DIP2C: variants seen among roughly 807,000 people sequenced by gnomAD.
The protein encoded by DIP2C is disco-interacting protein 2 homolog C.
DIP2C carries 33 observed loss-of-function variants against 192.4 expected under a neutral mutation model. The ratio of observed to expected loss-of-function variants is 0.17; its 90% CI spans 0.13 to 0.23. DIP2C has a LOEUF of 0.23. Ranked by LOEUF, DIP2C falls within the 10% of genes least tolerant of loss-of-function variation. The pLI is 1.00. For missense variants in DIP2C, 1,537 were observed against 2,110.1 expected (o/e 0.73, Z 5.32); for synonymous variants, 979 against 864.1 (o/e 1.13, Z -2.33).
chr10:513,026 C>T (rs879900774), intron 1 of DIP2C, among the ~76,000 whole-genome samples: 21 of 151,828 alleles, frequency 1.4e-4, no homozygotes, highest in Non-Finnish European at 3.1e-4. Context: ...GCAGTGGGGC[C>T]CTAAAGTATT....
intron 3 of DIP2C, among the ~76,000 whole-genome samples, chr10:444,041 G>C (rs1292088426): frequency 6.6e-6 from 1 of 152,182 alleles, no homozygotes; most frequent in Non-Finnish European, 1.5e-5. Flanking sequence ...TGGCCCTCGT[G>C]AGACAGCCAC....
rs181799988 is a variant in DIP2C at position 286,234 on chromosome 10, C to G, written c.4119+39G>C. ...GTCAAGGCAAGCCAAGGATACATAA[C>G]AGAAAAGTAACCTGGATCTCGGAGG... On this transcript the variant is annotated intron_variant, in intron 34 of 36. Transcript: ENST00000280886. The G allele has an allele frequency of 2.1e-5, 33 of 1,606,034 alleles. No individual in the cohort carries two copies. In the Admixed American group the frequency reaches 4.0e-4, roughly 19 times the overall value.
At chr10:414,801 T>C (rs1345522444) in intron 7 of DIP2C, among the ~76,000 whole-genome samples, 1 of 141,170 alleles carries the variant, frequency 7.1e-6, no homozygotes, top group African/African-American at 2.6e-5. Context: ...AATGTATATA[T>C]ATTTTGTAGA....
At chr10:392,838 GCACA>G (rs767783265) in intron 10 of DIP2C, among the ~76,000 whole-genome samples, 1 of 151,332 alleles carries the variant, frequency 6.6e-6, no homozygotes, top group African/African-American at 2.4e-5. Flanking sequence ...ACACGCCCAC[GCACA>G]CACACGTCCC....
chr10:390,996 G>A, intron 10 of DIP2C, 133 bp from the exon 11 acceptor site: 1 of 1,305,808 alleles, frequency 7.7e-7, no homozygotes, highest in South Asian at 1.4e-5. Flanking sequence ...CCTGCTGCTT[G>A]GTATCTGTGG....
At chr10:362,429 A>G (rs1959650843) in intron 22 of DIP2C, 61 bp downstream of exon 22, 1 of 1,564,068 alleles carries the variant, frequency 6.4e-7, no homozygotes. Flanking sequence ...CGCACCTCCC[A>G]GTGCCGTGCA....
chr10:641,554 G>A lies in DIP2C; in HGVS notation c.85+47940C>T, dbSNP rs149707009. The A allele has an allele frequency of 2.3e-3, 348 of 153,998 alleles. 2 individuals are homozygous for A. The highest frequency in any genetic ancestry group is 7.7e-3 in the African/African-American group (320 of 41,616). 9.5% of individuals were successfully genotyped at this position (153,998 alleles called of 1,614,324 possible). ...TCAGTACCCAGGGAGAAAGGAACCC[G>A]GGTGTCAGCTTGATTTTCTGCCAGT... On this transcript the variant is annotated intron_variant, in intron 1 of 36. Coordinates refer to ENST00000280886, the MANE Select transcript of DIP2C (RefSeq NM_014974.3).
chr10:565,655 T>C (rs948173914), intron 1 of DIP2C, among the ~76,000 whole-genome samples: 5 of 152,252 alleles, frequency 3.3e-5, no homozygotes, highest in African/African-American at 9.6e-5. Context: ...GTTTGCTACA[T>C]GTAAGCTTCA....
chr10:660,782 A>G, intron 1 of DIP2C, among the ~76,000 whole-genome samples: 1 of 152,202 alleles, frequency 6.6e-6, no homozygotes, highest in East Asian at 1.9e-4. Flanking sequence ...TTCCACAAAT[A>G]CTAAGAATAG....
At chr10:469,848 C>T (rs996726186) in intron 3 of DIP2C, among the ~76,000 whole-genome samples, 4 of 152,226 alleles carry the variant, frequency 2.6e-5, no homozygotes, top group African/African-American at 9.6e-5. Flanking sequence ...TACCTAACTT[C>T]TTGCCGTTCC....
At chr10:453,231 T>C (rs745792648) in intron 3 of DIP2C, among the ~76,000 whole-genome samples, 24 of 152,128 alleles carry the variant, frequency 1.6e-4, no homozygotes, top group Non-Finnish European at 3.1e-4. Context: ...AAAGCCTTAA[T>C]TACAAATGCC....
intron 1 of DIP2C, among the ~76,000 whole-genome samples, chr10:564,219 A>T (rs926657847): frequency 6.7e-6 from 1 of 148,808 alleles, no homozygotes; most frequent in Non-Finnish European, 1.5e-5. Flanking sequence ...CGTTCCCCCC[A>T]CCCCCGCACG....
chr10:432,483 ATATT>A (rs933270041), intron 4 of DIP2C, among the ~76,000 whole-genome samples: 15 of 152,258 alleles, frequency 9.9e-5, no homozygotes, highest in South Asian at 2.1e-4. Flanking sequence ...GTTTTTCATA[ATATT>A]TATTATCCTT....
chr10:496,539 C>T (rs1844850605), intron 1 of DIP2C, among the ~76,000 whole-genome samples: 1 of 144,980 alleles, frequency 6.9e-6, no homozygotes, highest in African/African-American at 2.6e-5. Flanking sequence ...CCAAATACCC[C>T]AAACAACGTG....
At chr10:491,239 G>C (rs1372337406) in intron 1 of DIP2C, among the ~76,000 whole-genome samples, 1 of 152,210 alleles carries the variant, frequency 6.6e-6, no homozygotes, top group Non-Finnish European at 1.5e-5. Context: ...CTTCCACAGC[G>C]TGGCTCAGCT....
chr10:514,622 C>T (rs950612007), intron 1 of DIP2C, among the ~76,000 whole-genome samples: 13 of 152,294 alleles, frequency 8.5e-5, no homozygotes, highest in East Asian at 1.9e-4. Flanking sequence ...ATGCTCCCTT[C>T]GCCACCTCCT....
At chr10:385,655 C>T (rs892049136) in intron 14 of DIP2C, among the ~76,000 whole-genome samples, 9 of 152,302 alleles carry the variant, frequency 5.9e-5, no homozygotes, top group East Asian at 3.9e-4. Context: ...AGTACCTGCA[C>T]GCTGCTGCAC....
chr10:329,526 G>A lies in DIP2C; in HGVS notation c.3660C>T (p.Ala1220=), dbSNP rs367686379. Residue 1220 remains alanine (A), a synonymous_variant, in exon 30 of 37, where the codon GCC becomes GCT. Coordinates refer to ENST00000280886, the MANE Select transcript of DIP2C (RefSeq NM_014974.3). The part of the protein sequence containing the change: ...LETNPALWLL[A]VSQYKVRDTF... ...TGTCTCGGACTTTGTACTGACTCAC[G>A]GCAAGAAGCCACAAGGCGGGGTTGG... The A allele has an allele frequency of 3.2e-5, 52 of 1,614,178 alleles. No individual in the cohort carries two copies. The African/African-American group carries it at 5.5e-4, about 17-fold the overall frequency.
intron 1 of DIP2C, among the ~76,000 whole-genome samples, chr10:588,418 C>T (rs1427825883): frequency 6.6e-6 from 1 of 152,228 alleles, no homozygotes; most frequent in Non-Finnish European, 1.5e-5. Flanking sequence ...ATTCCATCTC[C>T]GGGGGTCTCA....
Sources: allele counts gnomAD v4.1 joint callset (sites outside exome capture counted in the v4.1 genomes callset), GRCh38; gene constraint gnomAD v4.1.1; transcripts MANE v1.5; gene names NCBI Gene and HGNC (gene_info 2026-07-23, HGNC 2026-07-21).